The following CAMK2D variants were observed in gnomAD, a reference collection of about 807,000 sequenced individuals.
The protein encoded by CAMK2D is calcium/calmodulin dependent protein kinase II delta, also known as calcium/calmodulin-dependent protein kinase type II subunit delta.
Under a neutral mutation model 84.0 loss-of-function variants are expected in CAMK2D, and 37 were observed. That is an observed-to-expected ratio of 0.44 (90% CI 0.34 to 0.58). CAMK2D has a LOEUF of 0.58. Ranked by LOEUF, CAMK2D falls within the 20% of genes least tolerant of loss-of-function variation. The pLI is 0.02. For missense variants in CAMK2D, 448 were observed against 652.5 expected, an observed-to-expected ratio of 0.69 and a Z score of 3.41; for synonymous variants, 202 against 212.5, an observed-to-expected ratio of 0.95 and a Z score of 0.43.
intron 3 of CAMK2D, among the ~76,000 whole-genome samples, chr4:113,614,871 C>T (rs962344189): frequency 1.9e-4 from 29 of 152,104 alleles, no homozygotes; most frequent in African/African-American, 7.0e-4. Context: ...AGTCTGACCT[C>T]AGAAAGTAAG....
intron 3 of CAMK2D, among the ~76,000 whole-genome samples, chr4:113,619,408 T>C (rs1270923516): frequency 6.6e-6 from 1 of 152,108 alleles, no homozygotes; most frequent in Non-Finnish European, 1.5e-5. Context: ...AGGTTCAGAA[T>C]CCTCCAATGG....
At chr4:113,474,593 T>A (rs1393281050) in intron 16 of CAMK2D, among the ~76,000 whole-genome samples, 1 of 151,086 alleles carries the variant, frequency 6.6e-6, no homozygotes, top group Non-Finnish European at 1.5e-5. Flanking sequence ...TAATCAATTT[T>A]ATATTAGTCA....
chr4:113,611,610 C>T (rs1034567070), intron 3 of CAMK2D, among the ~76,000 whole-genome samples: 1 of 152,140 alleles, frequency 6.6e-6, no homozygotes, highest in Admixed American at 6.5e-5. Context: ...GGAGAAGTAG[C>T]AATAATTTCT....
chr4:113,616,371 C>T (rs2154271786), intron 3 of CAMK2D, among the ~76,000 whole-genome samples: 1 of 152,226 alleles, frequency 6.6e-6, no homozygotes, highest in South Asian at 2.1e-4. Flanking sequence ...CAAATCCTCA[C>T]CCCACTCCTG....
intron 3 of CAMK2D, among the ~76,000 whole-genome samples, chr4:113,638,289 T>C (rs2099117930): frequency 1.3e-5 from 2 of 151,988 alleles, no homozygotes; most frequent in African/African-American, 4.8e-5. Context: ...TGTGTGTGTG[T>C]CAGAGACAGA....
intron 13 of CAMK2D, among the ~76,000 whole-genome samples, chr4:113,506,352 G>C (rs1378476421): frequency 6.6e-6 from 1 of 152,086 alleles, no homozygotes; most frequent in African/African-American, 2.4e-5. Flanking sequence ...ACACTGTGCT[G>C]CTTGACCCAC....
intron 4 of CAMK2D, among the ~76,000 whole-genome samples, chr4:113,589,300 C>A (rs2098848185): frequency 6.6e-6 from 1 of 152,088 alleles, no homozygotes; most frequent in Non-Finnish European, 1.5e-5. Context: ...AGTGATCCAG[C>A]AAGCGATGAT....
intron 4 of CAMK2D, among the ~76,000 whole-genome samples, chr4:113,558,414 T>G (rs2098680256): frequency 6.6e-6 from 1 of 152,220 alleles, no homozygotes; most frequent in African/African-American, 2.4e-5. Context: ...TATCATTAAA[T>G]TATATATGCA....
chr4:113,689,981 G>A (rs1325435448), intron 2 of CAMK2D, among the ~76,000 whole-genome samples: 1 of 152,018 alleles, frequency 6.6e-6, no homozygotes, highest in African/African-American at 2.4e-5. Flanking sequence ...ATATAACCAA[G>A]CTACTATGAA....
At chr4:113,726,558 G>C (rs989757912) in intron 2 of CAMK2D, among the ~76,000 whole-genome samples, 5 of 149,682 alleles carry the variant, frequency 3.3e-5, no homozygotes, top group Non-Finnish European at 5.9e-5. Context: ...ATTTTTGTTT[G>C]TTTGTTTGTT....
intron 16 of CAMK2D, among the ~76,000 whole-genome samples, chr4:113,475,713 C>T (rs1028147514): frequency 2.0e-5 from 3 of 152,222 alleles, no homozygotes; most frequent in Non-Finnish European, 4.4e-5. Context: ...GTCCAGATAA[C>T]AAAGCAGATC....
intron 16 of CAMK2D, among the ~76,000 whole-genome samples, chr4:113,470,309 A>T (rs1387288254): frequency 6.6e-6 from 1 of 151,846 alleles, no homozygotes; most frequent in Non-Finnish European, 1.5e-5. Context: ...TTTTGCTCCT[A>T]CTTCTTTTAT....
chr4:113,589,629 A>G (rs900944909), intron 4 of CAMK2D, among the ~76,000 whole-genome samples: 9 of 152,156 alleles, frequency 5.9e-5, no homozygotes, highest in Non-Finnish European at 1.2e-4. Context: ...AAGAGGAGTA[A>G]CTTTGACCTT....
At chr4:113,469,994 A>G (rs1182667795) in intron 16 of CAMK2D, among the ~76,000 whole-genome samples, 1 of 152,004 alleles carries the variant, frequency 6.6e-6, no homozygotes, top group Non-Finnish European at 1.5e-5. Context: ...TCTGTTCTCT[A>G]CAATGCAACC....
At chr4:113,550,857 TA>T (rs1445259249) in intron 5 of CAMK2D, among the ~76,000 whole-genome samples, 2 of 152,124 alleles carry the variant, frequency 1.3e-5, no homozygotes, top group Non-Finnish European at 2.9e-5. Flanking sequence ...AAAATTCCAT[TA>T]AAAAATTAGA....
intron 16 of CAMK2D, among the ~76,000 whole-genome samples, chr4:113,495,854 G>T (rs1236052512): frequency 6.6e-6 from 1 of 152,146 alleles, no homozygotes; most frequent in Admixed American, 6.5e-5. Flanking sequence ...GGTGAATGGT[G>T]AGCTGAAGTG....
Position 113,761,185 on chromosome 4 carries a change from G to A in CAMK2D, c.-117C>T. 1.3e-6 allele frequency: 2 copies of A among 1,586,818 alleles called. No homozygotes were observed. Among genetic ancestry groups the A allele is most frequent in the Non-Finnish European group, 1.7e-6 (2 of 1,171,696 alleles). On this transcript the variant is annotated 5_prime_UTR_variant, in exon 1 of 21. Coordinates refer to ENST00000511664, the MANE Select transcript of CAMK2D (RefSeq NM_001321571.2). ...CACCCAGGGCCGCTCTTACTTTCCT[G>A]GTCCGAAAGTAGCTCGCCCGCGAGG...
intron 2 of CAMK2D, among the ~76,000 whole-genome samples, chr4:113,740,512 C>T (rs2099590387): frequency 6.6e-6 from 1 of 152,102 alleles, no homozygotes; most frequent in Admixed American, 6.5e-5. Flanking sequence ...TGAATCATTG[C>T]TAATAGGTAA....
At chr4:113,483,367 C>T (rs1169457812) in intron 16 of CAMK2D, among the ~76,000 whole-genome samples, 3 of 150,972 alleles carry the variant, frequency 2.0e-5, no homozygotes, top group Non-Finnish European at 4.4e-5. Flanking sequence ...CTGAAGCATT[C>T]TGTGTTTGTT....
Sources: gnomAD v4.1 joint callset for allele counts (sites outside exome capture counted in the v4.1 genomes callset) on GRCh38, gnomAD v4.1.1 for gene constraint, MANE v1.5 for transcripts, NCBI Gene and HGNC (gene_info 2026-07-23, HGNC 2026-07-21) for gene names.